FBXO21: variants seen among roughly 807,000 people sequenced by gnomAD.
FBXO21 encodes the protein F-box protein 21.
Under a neutral mutation model 76.6 loss-of-function variants are expected in FBXO21, and 32 were observed. The ratio of observed to expected loss-of-function variants is 0.42; its 90% CI spans 0.32 to 0.56. The LOEUF (loss-of-function observed/expected upper bound fraction) is 0.56. Ranked by LOEUF, FBXO21 falls within the 20% of genes least tolerant of loss-of-function variation. The pLI, the probability that FBXO21 is intolerant of heterozygous loss-of-function variation, is 0.16. For synonymous variants in FBXO21, 328 were observed against 311.5 expected (o/e 1.05, Z -0.56); for missense variants, 586 against 797.3 (o/e 0.73, Z 3.19).
At chr12:117,159,891 G>C (rs1255366383) in intron 9 of FBXO21, among the ~76,000 whole-genome samples, 1 of 152,218 alleles carries the variant, frequency 6.6e-6, no homozygotes, top group African/African-American at 2.4e-5. Context: ...CGCTGGATGT[G>C]TGGCTGAGCG....
chr12:117,174,412 A>G (rs951282759), intron 5 of FBXO21, 71 bp from the exon 6 acceptor site: 10 of 1,524,380 alleles, frequency 6.6e-6, no homozygotes, highest in Middle Eastern at 3.4e-4. Context: ...AACAACTCAC[A>G]ACATGAAGAC....
Position 117,174,753 on chromosome 12 carries a change from T to C in FBXO21, c.637A>G (p.Ser213Gly). 6.2e-7 allele frequency: 1 copy of C among 1,614,172 alleles called. No homozygotes were observed. The highest frequency in any genetic ancestry group is 8.5e-7 in the Non-Finnish European group (1 of 1,179,990). The stretch of plus-strand genomic sequence containing the variant: ...ATTTGGGCCTGGATGTCTTTGAGGC[T>C]GATGTCGGAGAGAGGATTGCAGTAC... The part of the protein sequence containing the change: ...DQYCNPLSDI[S>G]LKDIQAQIDS... Residue 213 changes from serine to glycine, a missense_variant, in exon 5 of 12, where the codon AGC becomes GGC. By Grantham distance (56) the Ser-to-Gly change is moderately conservative. This residue lies in a region of FBXO21 where 246 missense variants were observed against 356.8 expected (regional missense o/e 0.69). Coordinates refer to ENST00000622495, the MANE Select transcript of FBXO21 (RefSeq NM_015002.3).
chr12:117,148,909 C>A (rs1265693300), intron 11 of FBXO21, among the ~76,000 whole-genome samples: 1 of 152,228 alleles, frequency 6.6e-6, no homozygotes, highest in East Asian at 1.9e-4. Context: ...GATCTCTCTA[C>A]TGTTGTCAGG....
At chr12:117,181,980 T>C (rs953859635) in intron 3 of FBXO21, among the ~76,000 whole-genome samples, 14 of 152,130 alleles carry the variant, frequency 9.2e-5, no homozygotes, top group Non-Finnish European at 1.9e-4. Flanking sequence ...ATGCTGTTTC[T>C]AATCTTTATT....
In FBXO21 at chr12:117,174,306, T is replaced by C. The variant is rs760894786; in HGVS notation, c.775A>G (p.Ser259Gly). The C allele has an allele frequency of 3.7e-6, 6 of 1,613,660 alleles. No homozygotes were observed. The highest frequency in any genetic ancestry group is 4.2e-6 in the Non-Finnish European group (5 of 1,179,660). ...SSMIMEIELQSQVLDAMNYVL... is the reference protein window; with the variant it reads ...SSMIMEIELQGQVLDAMNYVL... ...TAGTTCATGGCATCCAGCACCTGGC[T>C]CTGGAGTTCTATTTCCATTATCATG... The change falls in exon 6 of 12, where the codon AGC becomes GGC. Residue 259 changes from serine to glycine, a missense_variant. Ser to Gly is a moderately conservative substitution (Grantham distance 56, BLOSUM62 0). Coordinates refer to ENST00000622495, the MANE Select transcript of FBXO21 (RefSeq NM_015002.3).
At chr12:117,168,894 C>T (rs756659541) in intron 7 of FBXO21, among the ~76,000 whole-genome samples, 25 of 152,316 alleles carry the variant, frequency 1.6e-4, no homozygotes, top group Middle Eastern at 3.4e-3. Context: ...ATTAGTTCAA[C>T]CATTGTGGAA....
chr12:117,159,015 G>A (rs1955947817), intron 9 of FBXO21, among the ~76,000 whole-genome samples: 1 of 152,198 alleles, frequency 6.6e-6, no homozygotes, highest in Non-Finnish European at 1.5e-5. Flanking sequence ...GCCCAGATCG[G>A]TCAGACTAGC....
At chr12:117,185,984 T>G (rs1956279275) in intron 3 of FBXO21, among the ~76,000 whole-genome samples, 1 of 152,220 alleles carries the variant, frequency 6.6e-6, no homozygotes, top group Admixed American at 6.5e-5. Flanking sequence ...ATGATTCTTC[T>G]GCCTCAGCCT....
At chr12:117,186,360 A>G (rs757230631) in intron 3 of FBXO21, 117 bp downstream of exon 3, 4 of 734,286 alleles carry the variant, frequency 5.4e-6, no homozygotes, top group Non-Finnish European at 9.4e-6. Context: ...AACTGTAACT[A>G]TGACAAGGCG....
Position 117,165,539 on chromosome 12 carries a change from C to G in FBXO21, c.1272G>C (p.Gln424His). The G allele has an allele frequency of 3.1e-6, 5 of 1,613,926 alleles. No individual in the cohort carries two copies. Among genetic ancestry groups the G allele is most frequent in the Non-Finnish European group, 3.4e-6 (4 of 1,179,904 alleles). ...AAAGCCTGGCTTGGAGGAGGAGAAG[C>G]TGCACCTGGTCCGGGTACATTGCCA... is the stretch of plus-strand genomic sequence containing the variant. ...LYLAMYPDQV[Q>H]LLLLQARLYF... The change falls in exon 9 of 12, where the codon CAG becomes CAC. Residue 424 changes from glutamine to histidine, a missense_variant. Physicochemically the swap from Gln to His is conservative, Grantham distance 24. This residue lies in a region of FBXO21 where 14 missense variants were observed against 18.3 expected (regional missense o/e 0.76). Transcript: ENST00000622495.
At chr12:117,147,653 T>C (rs1405881319) in intron 11 of FBXO21, among the ~76,000 whole-genome samples, 3 of 150,438 alleles carry the variant, frequency 2.0e-5, no homozygotes, top group African/African-American at 7.3e-5. Context: ...AAAGGCTTGG[T>C]TTCCCACTTC....
chr12:117,154,974 TA>T (rs2135851461), intron 11 of FBXO21: 1 of 152,348 alleles, frequency 6.6e-6, no homozygotes. Context: ...TTTCCTCACC[TA>T]GAAAATGATG....
At chr12:117,174,623 T>G (rs1956155179) in intron 5 of FBXO21, 28 bp downstream of exon 5, 9 of 1,608,484 alleles carry the variant, frequency 5.6e-6, no homozygotes, top group Non-Finnish European at 7.6e-6. Flanking sequence ...CTTTCATAAA[T>G]ACAGCTGGAT....
At chr12:117,164,274 CTTTTTTTTTTTTT>C (rs538169408) in intron 9 of FBXO21, among the ~76,000 whole-genome samples, 27,023 of 127,006 alleles carry the variant, frequency 0.21, 3,220 homozygotes, top group Admixed American at 0.38. Flanking sequence ...CTTTTCTTTT[CTTTTTTTTTTTTT>C]TTTTTTTGAG....
Position 117,167,074 on chromosome 12 carries a change from C to T in FBXO21, c.1017G>A (p.Ala339=), listed in dbSNP as rs1217949389. 6 of 1,613,378 alleles carry T rather than the reference C, an allele frequency of 3.7e-6. No individual in the cohort carries two copies. Among genetic ancestry groups the T allele is most frequent in the Middle Eastern group, 1.6e-4 (1 of 6,080 alleles). ...AGATGTAGTCAAAGATGTCCAGGGT[C>T]GCCCTATCCAAAGAGCCAAATATCA... ...LLRWCQGAEG[A]TLDIFDYIYI... The change falls in exon 8 of 12, where the codon GCG becomes GCA. Residue 339 remains alanine (A), a synonymous_variant. Transcript: ENST00000622495.
intron 2 of FBXO21, chr12:117,188,925 C>A (rs1956316871): frequency 7.2e-6 from 2 of 279,718 alleles, no homozygotes; most frequent in South Asian, 8.2e-5. Context: ...ATCCGTTGAA[C>A]CCATTTGAGA....
chr12:117,169,284 G>C (rs1455041428), intron 7 of FBXO21, among the ~76,000 whole-genome samples: 1 of 152,150 alleles, frequency 6.6e-6, no homozygotes, highest in African/African-American at 2.4e-5. Flanking sequence ...AGAACACATG[G>C]ACCCAGAGTG....
intron 2 of FBXO21, among the ~76,000 whole-genome samples, chr12:117,188,240 G>A (rs1956304626): frequency 6.6e-6 from 1 of 152,100 alleles, no homozygotes; most frequent in Non-Finnish European, 1.5e-5. Flanking sequence ...AGGGATCAGG[G>A]GCAGATACAG....
intron 6 of FBXO21, 41 bp downstream of exon 6, chr12:117,174,158 ACTATAC>A (rs1282096921): frequency 3.4e-6 from 5 of 1,484,358 alleles, no homozygotes; most frequent in Middle Eastern, 1.8e-4. Flanking sequence ...AAAAAAAGTT[ACTATAC>A]CTATATTACT....
Sources: allele counts gnomAD v4.1 joint callset (sites outside exome capture counted in the v4.1 genomes callset), GRCh38; gene constraint gnomAD v4.1.1; regional missense constraint gnomAD v4.1.1; transcripts MANE v1.5; gene names NCBI Gene and HGNC (gene_info 2026-07-23, HGNC 2026-07-21).